The following ERMARD variants were observed in gnomAD, a reference collection of about 807,000 sequenced individuals.
ERMARD encodes the protein ER membrane associated RNA degradation.
A neutral mutation model predicts 83.9 loss-of-function variants in ERMARD; 71 were observed. The ratio of observed to expected loss-of-function variants is 0.85; its 90% CI spans 0.70 to 1.03. The LOEUF is 1.03. Ranked by LOEUF, ERMARD falls within the 50% of genes least tolerant of loss-of-function variation. The pLI is 0.00. For synonymous variants in ERMARD, 284 were observed against 298.6 expected, an observed-to-expected ratio of 0.95 and a Z score of 0.50; for missense variants, 838 against 810.9, an observed-to-expected ratio of 1.03 and a Z score of -0.41.
rs146350150 is a variant in ERMARD at position 169,781,538 on chromosome 6, AATTTTAACAG to A, written c.*36_*45del. On this transcript the variant is annotated 3_prime_UTR_variant, in exon 18 of 18. Coordinates refer to ENST00000366773, the MANE Select transcript of ERMARD (RefSeq NM_018341.3). ...AAAACTTGTAAGTCAGGATGCTTTTAATTTTAACAGATTTTAACAGCGTGTAAATTAAAAA... is the reference window on the plus strand; with the variant it reads ...AAAACTTGTAAGTCAGGATGCTTTTAATTTTAACAGCGTGTAAATTAAAAA... 2.7e-4 allele frequency: 423 copies of A among 1,568,096 alleles called. 5 individuals carry two copies. In the East Asian group the frequency reaches 4.7e-3, roughly 18 times the overall value.
intron 2 of ERMARD, among the ~76,000 whole-genome samples, chr6:169,754,487 A>G (rs1790544220): frequency 6.6e-6 from 1 of 152,242 alleles, no homozygotes; most frequent in African/African-American, 2.4e-5. Context: ...ACTCTGGCCT[A>G]GCAGTCCGTT....
In ERMARD at chr6:169,766,632, C is replaced by T. The variant is rs1792247305; in HGVS notation, c.961-6C>T. ...TGTTTATTTTCATTTCTTTCCTTTT[C>T]TGAAGTCAACAGCTCTTTATACCAC... On this transcript the variant is annotated splice_region_variant and splice_polypyrimidine_tract_variant and intron_variant, in intron 9 of 17. Transcript: ENST00000366773. 6.4e-7 allele frequency: 1 copy of T among 1,570,590 alleles called. No homozygotes were observed. The highest frequency in any genetic ancestry group is 2.3e-5 in the East Asian group (1 of 43,154).
At chr6:169,775,891 T>C (rs1486387892) in intron 14 of ERMARD, 49 bp from the exon 15 acceptor site, 5 of 1,604,756 alleles carry the variant, frequency 3.1e-6, no homozygotes, top group Admixed American at 3.4e-5. Context: ...CAGGCACTGA[T>C]GTGAGCACTT....
Position 169,776,576 on chromosome 6 carries a change from A to C in ERMARD, c.1642A>C (p.Ser548Arg). ...SISEQCRRVS[S>R]QVTVASELRH... is the part of the protein sequence containing the mutation. ...CAGCGAACAGTGCCGCCGTGTGTCC[A>C]GCCAGGTCACCGTTGCCTCAGAGCT... The change falls in exon 16 of 18, where the codon AGC (serine) becomes CGC (arginine). Residue 548 changes from serine to arginine, a missense_variant. By Grantham distance (110) the Ser-to-Arg change is moderately radical. Transcript: ENST00000366773. 1 of 1,614,226 alleles carries C rather than the reference A, an allele frequency of 6.2e-7. No individual in the cohort carries two copies. Among genetic ancestry groups the C allele is most frequent in the Non-Finnish European group, 8.5e-7 (1 of 1,180,036 alleles).
At chr6:169,764,057 G>A (rs984143149) in intron 9 of ERMARD, among the ~76,000 whole-genome samples, 1 of 152,180 alleles carries the variant, frequency 6.6e-6, no homozygotes, top group Non-Finnish European at 1.5e-5. Context: ...CTCCAGCAGC[G>A]TCTCGTGTTT....
intron 12 of ERMARD, among the ~76,000 whole-genome samples, chr6:169,772,262 G>A (rs143485196): frequency 2.1e-3 from 321 of 152,330 alleles, no homozygotes; most frequent in Admixed American, 4.5e-3. Flanking sequence ...CAGAAGCCAG[G>A]TGCTCTTCAG....
intron 13 of ERMARD, among the ~76,000 whole-genome samples, chr6:169,774,529 G>C (rs1335678714): frequency 6.6e-6 from 1 of 152,176 alleles, no homozygotes; most frequent in Non-Finnish European, 1.5e-5. Context: ...GCCATCCTCT[G>C]CTGTGCCCCA....
intron 7 of ERMARD, among the ~76,000 whole-genome samples, 198 bp downstream of exon 7, chr6:169,760,172 T>G (rs569040383): frequency 7.9e-5 from 12 of 152,266 alleles, no homozygotes; most frequent in East Asian, 1.9e-4. Flanking sequence ...GCCCTGGGGT[T>G]GTTGTGGGGG....
At position 169,754,015 on chromosome 6, in the gene ERMARD, T is replaced by TGA; in HGVS notation, c.160_161dup (p.Ser54ArgfsTer16). 6.2e-7 allele frequency: 1 copy of TGA among 1,611,956 alleles called. No homozygotes were observed. ...TGCTGGAAAACAATCACAGACTGTG[T>TGA]GAGCTACACAGAGTCAGGTTTGTGC... On this transcript the variant is annotated frameshift_variant, in exon 2 of 18. Coordinates refer to ENST00000366773, the MANE Select transcript of ERMARD (RefSeq NM_018341.3). LOFTEE classifies it high-confidence loss of function.
In ERMARD at chr6:169,756,325, T is replaced by G; in HGVS notation, c.316-13T>G. On this transcript the variant is annotated splice_polypyrimidine_tract_variant and intron_variant, in intron 3 of 17. Transcript: ENST00000366773. ...CAGAGTGTACATCCTAATATGTGTT[T>G]TATTGTAAATAGTTATTTCCTGAAA... The G allele has an allele frequency of 6.5e-7, 1 of 1,538,920 alleles. No homozygotes were observed. The highest frequency in any genetic ancestry group is 8.9e-7 in the Non-Finnish European group (1 of 1,119,142).
Position 169,769,618 on chromosome 6 carries a change from C to A in ERMARD, c.1138C>A (p.His380Asn). 6.2e-7 allele frequency: 1 copy of A among 1,613,454 alleles called. No individual in the cohort carries two copies. Among genetic ancestry groups the A allele is most frequent in the Middle Eastern group, 1.6e-4 (1 of 6,062 alleles). ...DHLSHGEINL[H>N]EFSKETTNQL... Reference sequence around the variant, plus strand: ...TTTAAGCCACGGGGAGATCAACTTACATGAATTTTCAAAAGAAACAACTAA... The same window carrying A: ...TTTAAGCCACGGGGAGATCAACTTAAATGAATTTTCAAAAGAAACAACTAA... Residue 380 changes from histidine to asparagine, a missense_variant, in exon 12 of 18, where the codon CAT (histidine) becomes AAT (asparagine). By Grantham distance (68) the His-to-Asn change is moderately conservative (BLOSUM62 1). Transcript: ENST00000366773.
At chr6:169,776,325 T>C (rs1477538937) in intron 15 of ERMARD, 130 bp from the exon 16 acceptor site, 1 of 1,552,422 alleles carries the variant, frequency 6.4e-7, no homozygotes, top group Admixed American at 2.0e-5. Flanking sequence ...GTCACGGTTG[T>C]CCCTGCAGAC....
rs191478909 is a variant in ERMARD at position 169,752,687 on chromosome 6, C to G, written c.6+1024C>G. 5.6e-3 allele frequency among the ~76,000 whole-genome samples: 859 copies of G among 152,286 alleles called. 3 individuals carry two copies. The highest frequency in any genetic ancestry group is 6.4e-3 in the Non-Finnish European group (436 of 68,022). ...TTATGACTGTCACAACACAGCCCCC[C>G]CTTAACTCAACACACCAAAATAAAG... On this transcript the variant is annotated intron_variant, in intron 1 of 17. Transcript: ENST00000366773.
At chr6:169,776,102 T>C in intron 15 of ERMARD, 37 bp downstream of exon 15, 1 of 1,606,832 alleles carries the variant, frequency 6.2e-7, no homozygotes, top group Non-Finnish European at 8.5e-7. Flanking sequence ...GTTGAAACAT[T>C]GATTCAGCAG....
At chr6:169,763,095 G>A (rs914968) in intron 9 of ERMARD, among the ~76,000 whole-genome samples, 88,607 of 152,052 alleles carry the variant, frequency 0.58, 29,133 homozygotes, top group East Asian at 0.98. Flanking sequence ...TGAGGCAAGC[G>A]TCTCTGAGTT....
chr6:169,776,593 C>A lies in ERMARD; in HGVS notation c.1659C>A (p.Ala553=). Residue 553 remains alanine, a synonymous_variant, in exon 16 of 18, where the codon GCC becomes GCA. Transcript: ENST00000366773. ...GTGTGTCCAGCCAGGTCACCGTTGC[C>A]TCAGAGCTGAGACACAGGCAGTGGG... ...CRRVSSQVTV[A]SELRHRQWVE... is the part of the protein sequence containing the mutation. The A allele has an allele frequency of 6.2e-7, 1 of 1,614,256 alleles. No homozygotes were observed. Among genetic ancestry groups the A allele is most frequent in the Non-Finnish European group, 8.5e-7 (1 of 1,180,058 alleles).
Position 169,776,311 on chromosome 6 carries a change from G to A in ERMARD, c.1521-144G>A, listed in dbSNP as rs4716398. ...TCAGTGTGTTTAGTTAACACTTGCC[G>A]CGTGTCACGGTTGTCCCTGCAGACC... On this transcript the variant is annotated intron_variant, in intron 15 of 17. Coordinates refer to ENST00000366773, the MANE Select transcript of ERMARD (RefSeq NM_018341.3). The A allele has an allele frequency of 0.24, 370,219 of 1,551,616 alleles. 47,232 individuals are homozygous for A. The highest frequency in any genetic ancestry group is 0.48 in the African/African-American group (35,229 of 73,040).
chr6:169,768,049 G>T, intron 10 of ERMARD, 54 bp from the exon 11 acceptor site: 1 of 1,437,634 alleles, frequency 7.0e-7, no homozygotes, highest in Non-Finnish European at 9.8e-7. Flanking sequence ...TGAAAGTTCT[G>T]TATGTTTATG....
chr6:169,755,463 G>A (rs771286282), intron 3 of ERMARD, 41 bp downstream of exon 3: 10 of 1,610,514 alleles, frequency 6.2e-6, no homozygotes, highest in Middle Eastern at 1.7e-4. Flanking sequence ...AAGACTGTGC[G>A]AATACTACTT....
Sources: allele counts gnomAD v4.1 joint callset (sites outside exome capture counted in the v4.1 genomes callset), GRCh38; gene constraint gnomAD v4.1.1; transcripts MANE v1.5; gene names NCBI Gene and HGNC (gene_info 2026-07-23, HGNC 2026-07-21).